ZNF76: variants seen among roughly 807,000 people sequenced by gnomAD.
ZNF76 encodes the protein zinc finger protein 76, also known as zinc finger protein 523.
In ZNF76, 66 loss-of-function variants were observed where a neutral mutation model predicts 66.9. The ratio of observed to expected loss-of-function variants is 0.99; its 90% CI spans 0.81 to 1.21. The LOEUF (loss-of-function observed/expected upper bound fraction) is 1.21. Ranked by LOEUF, ZNF76 falls within the 50% of genes most tolerant of loss-of-function variation. ZNF76 has a pLI of 0.00. For missense variants in ZNF76, 729 were observed against 760.3 expected (o/e 0.96, Z 0.48); for synonymous variants, 275 against 296.1 (o/e 0.93, Z 0.73).
At chr6:35,273,295 C>T (rs1330864502) in intron 1 of ZNF76, among the ~76,000 whole-genome samples, 3 of 151,416 alleles carry the variant, frequency 2.0e-5, no homozygotes, top group South Asian at 2.1e-4. Context: ...GCCTCAGCCT[C>T]CTGAGTAGCT....
At chr6:35,276,611 C>T (rs949790481) in intron 1 of ZNF76, among the ~76,000 whole-genome samples, 6 of 152,176 alleles carry the variant, frequency 3.9e-5, no homozygotes, top group African/African-American at 1.4e-4. Context: ...GTGCTCTTAA[C>T]CACACCACTG....
rs78353848 is a variant in ZNF76 at position 35,294,873 on chromosome 6, G to T, written c.1609-271G>T. 2.0e-3 allele frequency: 1,162 copies of T among 572,266 alleles called. 13 individuals are homozygous for T. Among genetic ancestry groups the T allele is most frequent in the African/African-American group, 0.02 (1,076 of 53,526 alleles). The allele number at this position is 572,266 out of a possible 1,614,324, so 35.4% of individuals were successfully genotyped here. A position where few individuals can be genotyped will look rare whatever the true frequency, so the allele number is the denominator to read the frequency against. The stretch of plus-strand genomic sequence containing the variant: ...GGAAATGAAGGAGGCTGACGTAGAT[G>T]ATCACCACGGTTCTCTTCAGCCAGT... On this transcript the variant is annotated intron_variant, in intron 13 of 13. Coordinates refer to ENST00000373953, the MANE Select transcript of ZNF76 (RefSeq NM_003427.5).
At chr6:35,277,213 G>A (rs981057823) in intron 1 of ZNF76, among the ~76,000 whole-genome samples, 2 of 152,190 alleles carry the variant, frequency 1.3e-5, no homozygotes, top group African/African-American at 4.8e-5. Context: ...GAAGGTCAGA[G>A]CAGACCAAGA....
chr6:35,266,862 G>A (rs1176142356), intron 1 of ZNF76, among the ~76,000 whole-genome samples: 1 of 146,454 alleles, frequency 6.8e-6, no homozygotes, highest in African/African-American at 2.6e-5. Flanking sequence ...GTGCAGTGGC[G>A]CCATCTCGGC....
chr6:35,293,927 C>T lies in ZNF76; in HGVS notation c.1494+12C>T, dbSNP rs369228765. The T allele has an allele frequency of 7.4e-6, 12 of 1,612,612 alleles. No homozygotes were observed. Among genetic ancestry groups the T allele is most frequent in the East Asian group, 4.5e-5 (2 of 44,852 alleles). ...CCCAGACGCAGCCCGTATGACCAGG[C>T]GGTTTGCTTGGGGTTTCTTATTTTG... On this transcript the variant is annotated intron_variant, in intron 12 of 13. Transcript: ENST00000373953.
intron 1 of ZNF76, among the ~76,000 whole-genome samples, chr6:35,271,198 C>T (rs1186063153): frequency 6.6e-6 from 1 of 152,152 alleles, no homozygotes; most frequent in Non-Finnish European, 1.5e-5. Flanking sequence ...CACGCATGTC[C>T]ATCTACCTGT....
At chr6:35,271,926 C>T (rs540526213) in intron 1 of ZNF76, among the ~76,000 whole-genome samples, 2 of 151,532 alleles carry the variant, frequency 1.3e-5, no homozygotes, top group South Asian at 2.1e-4. Context: ...CTCATCTCTA[C>T]AAAAATTTAA....
Position 35,287,938 on chromosome 6 carries a change from A to G in ZNF76, c.432+93A>G. Reference sequence around the variant, plus strand: ...TGGCCCTGCCAGAACTTCACCTCTCAAGAGGACAAGGGCAGCCCTGTGCTT... The same window carrying G: ...TGGCCCTGCCAGAACTTCACCTCTCGAGAGGACAAGGGCAGCCCTGTGCTT... On this transcript the variant is annotated intron_variant, in intron 5 of 13. Transcript: ENST00000373953. The surrounding 1 kb of genome is among the most constrained non-coding windows in gnomAD (Gnocchi z 4.0). 6 of 1,401,874 alleles carry G rather than the reference A, an allele frequency of 4.3e-6. No individual in the cohort carries two copies. Among genetic ancestry groups the G allele is most frequent in the Non-Finnish European group, 4.9e-6 (5 of 1,020,788 alleles). The allele number at this position is 1,401,874 out of a possible 1,614,324, so 86.8% of individuals were successfully genotyped here. A position where few individuals can be genotyped will look rare whatever the true frequency, so the allele number is the denominator to read the frequency against.
At position 35,295,571 on chromosome 6, in the gene ZNF76, T is replaced by C; in HGVS notation, c.*323T>C. The C allele has an allele frequency of 5.4e-6, 2 of 372,956 alleles. No individual in the cohort carries two copies. The highest frequency in any genetic ancestry group is 1.0e-5 in the Non-Finnish European group (2 of 191,030). The allele number at this position is 372,956 out of a possible 1,614,324, so 23.1% of individuals were successfully genotyped here. On this transcript the variant is annotated 3_prime_UTR_variant, in exon 14 of 14. Coordinates refer to ENST00000373953, the MANE Select transcript of ZNF76 (RefSeq NM_003427.5). The stretch of plus-strand genomic sequence containing the variant: ...CTTCTGGCCCTCAGTCTGTTCCCCT[T>C]CTCAGGTAGAGATTGGGGCTGCTAT...
rs2150368651 is a variant in ZNF76, at chr6:35,287,555, G to A, written c.233-91G>A. 1.6e-6 allele frequency: 2 copies of A among 1,223,110 alleles called. No homozygotes were observed. The highest frequency in any genetic ancestry group is 2.3e-6 in the Non-Finnish European group (2 of 873,942). The allele number at this position is 1,223,110 out of a possible 1,614,324, so 75.8% of individuals were successfully genotyped here. On this transcript the variant is annotated intron_variant, in intron 4 of 13. Transcript: ENST00000373953. This position sits in a 1 kb window ranked among gnomAD's most constrained non-coding sequence, Gnocchi z 4.0. Reference sequence around the variant, plus strand: ...AAATTGGATGTTGAAACCCTCCTTGGTATATGTATCTCTCATTAACTTAAA... The same window carrying A: ...AAATTGGATGTTGAAACCCTCCTTGATATATGTATCTCTCATTAACTTAAA...
At chr6:35,293,666 C>G in intron 11 of ZNF76, 85 bp from the exon 12 acceptor site, 1 of 1,484,514 alleles carries the variant, frequency 6.7e-7, no homozygotes, top group East Asian at 2.3e-5. Flanking sequence ...CTGACCTTGT[C>G]TGGGAGAGCA....
At chr6:35,284,835 C>T (rs1220702425) in intron 2 of ZNF76, among the ~76,000 whole-genome samples, 2 of 152,072 alleles carry the variant, frequency 1.3e-5, no homozygotes, top group South Asian at 2.1e-4. Flanking sequence ...CTCAGCCTCC[C>T]GAGTAACTGG....
At chr6:35,280,320 C>T (rs1788572294) in intron 1 of ZNF76, among the ~76,000 whole-genome samples, 1 of 152,088 alleles carries the variant, frequency 6.6e-6, no homozygotes, top group South Asian at 2.1e-4. Context: ...GTGATGGAGC[C>T]ACTGCACTCC....
At chr6:35,294,149 AC>A (rs1215799320) in intron 12 of ZNF76, 2 of 602,082 alleles carry the variant, frequency 3.3e-6, no homozygotes, top group Non-Finnish European at 5.8e-6. Flanking sequence ...TTGTTGTGCA[AC>A]CTTAGGCAAA....
intron 13 of ZNF76, 159 bp from the exon 14 acceptor site, chr6:35,294,985 G>C (rs538404297): frequency 1.3e-5 from 8 of 616,100 alleles, no homozygotes; most frequent in Admixed American, 2.9e-5. Context: ...CTCTTCATCC[G>C]TGAACTTCAT....
intron 12 of ZNF76, 134 bp from the exon 13 acceptor site, chr6:35,294,322 T>A: frequency 3.1e-6 from 2 of 655,086 alleles, no homozygotes; most frequent in Non-Finnish European, 5.4e-6. Context: ...TCAGGCTAAT[T>A]AATCTGACCC....
In ZNF76 at chr6:35,293,912, G is replaced by A. The variant is rs148794766; in HGVS notation, c.1491G>A (p.Gln497=). The A allele has an allele frequency of 3.3e-4, 540 of 1,613,840 alleles. 2 individuals are homozygous for A. Among genetic ancestry groups the A allele is most frequent in the Non-Finnish European group, 3.8e-4 (447 of 1,179,988 alleles). The change falls in exon 12 of 14, where the codon CAG becomes CAA. Residue 497 remains glutamine, a synonymous_variant. Coordinates refer to ENST00000373953, the MANE Select transcript of ZNF76 (RefSeq NM_003427.5). The part of the protein sequence containing the change: ...TMVSADGTQT[Q]PVTIITSGAV... ...TCAGCGCCGATGGCACCCAGACGCA[G>A]CCCGTATGACCAGGCGGTTTGCTTG...
chr6:35,277,300 C>T (rs1788061255), intron 1 of ZNF76, among the ~76,000 whole-genome samples: 1 of 152,172 alleles, frequency 6.6e-6, no homozygotes, highest in African/African-American at 2.4e-5. Flanking sequence ...TGCTAATAGA[C>T]CAGAGATGTC....
At chr6:35,272,523 A>T (rs1301230167) in intron 1 of ZNF76, among the ~76,000 whole-genome samples, 2 of 151,096 alleles carry the variant, frequency 1.3e-5, no homozygotes, top group African/African-American at 4.9e-5. Flanking sequence ...ATGTATATGC[A>T]CATATATATA....
Sources: gnomAD v4.1 joint callset for allele counts (sites outside exome capture counted in the v4.1 genomes callset) on GRCh38, gnomAD v4.1.1 for gene constraint, Gnocchi (gnomAD v3.1) non-coding constraint, MANE v1.5 for transcripts, NCBI Gene and HGNC (gene_info 2026-07-23, HGNC 2026-07-21) for gene names.